Variants in HYAL4 observed in about 807,000 individuals in gnomAD.
HYAL4 encodes hyaluronidase 4.
Under a neutral mutation model 35.2 loss-of-function variants are expected in HYAL4, and 37 were observed. That is an observed-to-expected ratio of 1.05 (90% CI 0.81 to 1.38). HYAL4 has a LOEUF of 1.38. Among genes scored for constraint, HYAL4 ranks in the 40% most tolerant of loss-of-function variants. HYAL4 has a pLI of 0.00. For missense variants in HYAL4, 572 were observed against 572.4 expected (o/e 1.00, Z 0.01); for synonymous variants, 198 against 203.2 (o/e 0.97, Z 0.22).
chr7:123,844,634 A>G (rs1265459917), upstream of HYAL4, among the ~76,000 whole-genome samples: 1 of 152,164 alleles, frequency 6.6e-6, no homozygotes, highest in Admixed American at 6.6e-5. Flanking sequence ...TGTCCTGCCC[A>G]CAGAGATGGA....
the HYAL4 span, among the ~76,000 whole-genome samples, chr7:123,791,650 G>T: frequency 6.6e-6 from 1 of 152,170 alleles, no homozygotes; most frequent in Non-Finnish European, 1.5e-5. Context: ...GGGCCATTTT[G>T]TATACAACCT....
At chr7:123,843,401 A>T (rs1297437078), upstream of HYAL4, among the ~76,000 whole-genome samples, 3 of 151,810 alleles carry the variant, frequency 2.0e-5, no homozygotes, top group African/African-American at 7.3e-5. Flanking sequence ...TTTGTTGGTA[A>T]CTCGACCTTT....
chr7:123,782,810 T>A, the HYAL4 span, among the ~76,000 whole-genome samples: 1 of 152,180 alleles, frequency 6.6e-6, no homozygotes. Flanking sequence ...GTTTTTAACT[T>A]AGTGTAACTC....
chr7:123,824,315 C>G (rs895384535), upstream of HYAL4, among the ~76,000 whole-genome samples: 10 of 152,148 alleles, frequency 6.6e-5, no homozygotes, highest in Non-Finnish European at 1.0e-4. Flanking sequence ...CTCTTCCCCA[C>G]ACACCAGGCT....
the HYAL4 span, among the ~76,000 whole-genome samples, chr7:123,785,603 A>G: frequency 6.6e-6 from 1 of 152,184 alleles, no homozygotes; most frequent in East Asian, 1.9e-4. This position sits in a 1 kb window ranked among gnomAD's most constrained non-coding sequence, Gnocchi z 4.5. Flanking sequence ...GATGATACAT[A>G]TATTGTAAAG....
intron 2 of HYAL4, among the ~76,000 whole-genome samples, chr7:123,863,017 T>G (rs1292257136): frequency 6.6e-6 from 1 of 152,202 alleles, no homozygotes; most frequent in East Asian, 1.9e-4. Context: ...TGCACCTGCT[T>G]TCCCTCATAC....
the HYAL4 span, among the ~76,000 whole-genome samples, chr7:123,806,595 C>T: frequency 2.0e-4 from 30 of 152,044 alleles, no homozygotes; most frequent in Admixed American, 1.5e-3. Context: ...AAGCATGCGC[C>T]ACCACGCCCA....
At chr7:123,845,839 G>C (rs751964066) in intron 1 of HYAL4, among the ~76,000 whole-genome samples, 154 bp downstream of exon 1, 1 of 152,200 alleles carries the variant, frequency 6.6e-6, no homozygotes, top group Non-Finnish European at 1.5e-5. Flanking sequence ...GACCCACGGG[G>C]TGTTCTCTTG....
Position 123,877,119 on chromosome 7 carries a change from A to G in HYAL4, c.1410A>G (p.Leu470=). Residue 470 remains leucine, a synonymous_variant, in exon 5 of 5, where the codon CTA becomes CTG. Transcript: ENST00000223026. ...PSPGSLMTLC[L]LLLASYRSIQ... ...CTGGTTCACTAATGACACTTTGTCT[A>G]CTGCTTTTAGCAAGTTATCGAAGCA... The G allele has an allele frequency of 1.9e-6, 3 of 1,614,130 alleles. No homozygotes were observed. The highest frequency in any genetic ancestry group is 1.1e-5 in the South Asian group (1 of 91,072).
the HYAL4 span, among the ~76,000 whole-genome samples, chr7:123,769,501 G>C: frequency 6.6e-6 from 1 of 152,274 alleles, no homozygotes. Flanking sequence ...GAGTATTCCT[G>C]ACATTGTGTG....
At chr7:123,766,365 G>A in the HYAL4 span, among the ~76,000 whole-genome samples, 4 of 152,170 alleles carry the variant, frequency 2.6e-5, no homozygotes, top group African/African-American at 7.2e-5. Flanking sequence ...ATAGCTAATT[G>A]TTTGCTATTC....
At chr7:123,767,387 G>A in the HYAL4 span, among the ~76,000 whole-genome samples, 2 of 152,102 alleles carry the variant, frequency 1.3e-5, no homozygotes, top group Non-Finnish European at 2.9e-5. Flanking sequence ...GTCCAAGATA[G>A]ACCTCTTCAG....
the HYAL4 span, among the ~76,000 whole-genome samples, chr7:123,778,788 T>G: frequency 8.5e-5 from 13 of 152,334 alleles, no homozygotes; most frequent in African/African-American, 2.9e-4. Flanking sequence ...AGAGACACTT[T>G]GACAATTGAA....
At chr7:123,818,361 A>G in the HYAL4 span, among the ~76,000 whole-genome samples, 2 of 152,210 alleles carry the variant, frequency 1.3e-5, no homozygotes, top group Admixed American at 6.5e-5. Flanking sequence ...TCCTGTGGAT[A>G]TAAAACTCTG....
the HYAL4 span, among the ~76,000 whole-genome samples, chr7:123,794,889 T>G: frequency 6.6e-6 from 1 of 152,158 alleles, no homozygotes; most frequent in African/African-American, 2.4e-5. Flanking sequence ...GACCCCAGAA[T>G]AGGTAGATCC....
chr7:123,839,377 A>G (rs1806017569), intron 1 of HYAL4, among the ~76,000 whole-genome samples: 1 of 152,170 alleles, frequency 6.6e-6, no homozygotes, highest in Non-Finnish European at 1.5e-5. Flanking sequence ...TTCTTTATCC[A>G]GTCTATCATT....
chr7:123,877,131 A>C lies in HYAL4; in HGVS notation c.1422A>C (p.Ala474=). Reference sequence around the variant, plus strand: ...TGACACTTTGTCTACTGCTTTTAGCAAGTTATCGAAGCATTCAGTTGTGAG... The same window carrying C: ...TGACACTTTGTCTACTGCTTTTAGCCAGTTATCGAAGCATTCAGTTGTGAG... ...SLMTLCLLLL[A]SYRSIQL Residue 474 remains alanine (A), a synonymous_variant, in exon 5 of 5, where the codon GCA becomes GCC. Transcript: ENST00000223026. 6.2e-7 allele frequency: 1 copy of C among 1,613,758 alleles called. No homozygotes were observed. Among genetic ancestry groups the C allele is most frequent in the Non-Finnish European group, 8.5e-7 (1 of 1,179,748 alleles).
rs969901551 is a variant in HYAL4 at position 123,877,388 on chromosome 7, T to G, written c.*233T>G. On this transcript the variant is annotated 3_prime_UTR_variant, in exon 5 of 5. Transcript: ENST00000223026. ...TTCCTCCTTATTGGAATATTTAAGT[T>G]GCATTTAAACTAAAACTAGTATAAT... 3 of 429,648 alleles carry G rather than the reference T, an allele frequency of 7.0e-6. No homozygotes were observed. The highest frequency in any genetic ancestry group is 8.2e-6 in the Non-Finnish European group (2 of 243,478). 26.6% of individuals were successfully genotyped at this position (429,648 alleles called of 1,614,324 possible). A position where few individuals can be genotyped will look rare whatever the true frequency, so the allele number is the denominator to read the frequency against.
At chr7:123,870,156 T>C (rs1453595084) in intron 3 of HYAL4, among the ~76,000 whole-genome samples, 3 of 152,170 alleles carry the variant, frequency 2.0e-5, no homozygotes, top group Admixed American at 2.0e-4. Flanking sequence ...CCATTACAAA[T>C]TTCAACTCAC....
Sources: gnomAD v4.1 joint callset for allele counts (sites outside exome capture counted in the v4.1 genomes callset) on GRCh38, gnomAD v4.1.1 for gene constraint, Gnocchi (gnomAD v3.1) non-coding constraint, MANE v1.5 for transcripts, NCBI Gene and HGNC (gene_info 2026-07-23, HGNC 2026-07-21) for gene names.